SORCS2: variants seen among roughly 807,000 people sequenced by gnomAD.
The protein encoded by SORCS2 is VPS10 domain-containing receptor SorCS2.
A neutral mutation model predicts 141.6 loss-of-function variants in SORCS2; 100 were observed. That is an observed-to-expected ratio of 0.71 (90% CI 0.60 to 0.83). The LOEUF is 0.83. Among genes scored for constraint, SORCS2 ranks in the 40% least tolerant of loss-of-function variants. SORCS2 has a pLI of 0.00. For missense variants in SORCS2, 1,646 were observed against 1,560.2 expected (o/e 1.05, Z -0.93); for synonymous variants, 789 against 676.9 (o/e 1.17, Z -2.57).
chr4:7,340,539 C>A (rs1720310719), intron 1 of SORCS2, among the ~76,000 whole-genome samples: 1 of 152,220 alleles, frequency 6.6e-6, no homozygotes, highest in Admixed American at 6.5e-5. Flanking sequence ...TGAATCAGCT[C>A]AGGCTGCGTG....
chr4:7,382,097 C>A (rs2109071549), intron 1 of SORCS2: 2 of 546,520 alleles, frequency 3.7e-6, no homozygotes, highest in Non-Finnish European at 4.7e-6. Context: ...CCAGAAGGAC[C>A]TTGAAGGGTG....
In SORCS2 at chr4:7,233,383, G is replaced by A. The variant is rs768134064; in HGVS notation, c.480+40257G>A. 6.3e-4 allele frequency among the ~76,000 whole-genome samples: 96 copies of A among 152,290 alleles called. No individual in the cohort carries two copies. Among genetic ancestry groups the A allele is most frequent in the Non-Finnish European group, 1.3e-3 (87 of 68,022 alleles). Reference sequence around the variant, plus strand: ...GCTGAGCACCTGCTCCAGGGCAGACGTAGCCCTCATCACGTCCTCCACAGC... The same window carrying A: ...GCTGAGCACCTGCTCCAGGGCAGACATAGCCCTCATCACGTCCTCCACAGC... On this transcript the variant is annotated intron_variant, in intron 1 of 26. Coordinates refer to ENST00000507866, the MANE Select transcript of SORCS2 (RefSeq NM_020777.3). The surrounding 1 kb of genome is among the most constrained non-coding windows in gnomAD (Gnocchi z 4.5).
chr4:7,621,463 T>C (rs1719176893), intron 3 of SORCS2, among the ~76,000 whole-genome samples: 1 of 149,216 alleles, frequency 6.7e-6, no homozygotes. Context: ...GTGTGAGTGT[T>C]TATGTGTGTG....
intron 1 of SORCS2, among the ~76,000 whole-genome samples, chr4:7,355,769 G>A (rs1721215755): frequency 6.6e-6 from 1 of 152,244 alleles, no homozygotes; most frequent in Non-Finnish European, 1.5e-5. Flanking sequence ...CTCGCTGTGA[G>A]CCCGAGGAAC....
chr4:7,355,722 A>G (rs1721208378), intron 1 of SORCS2, among the ~76,000 whole-genome samples: 1 of 152,328 alleles, frequency 6.6e-6, no homozygotes, highest in South Asian at 2.1e-4. Context: ...AATGAGGAAA[A>G]TATGAACTTG....
At chr4:7,716,152 G>A (rs1726173029) in intron 17 of SORCS2, among the ~76,000 whole-genome samples, 1 of 152,222 alleles carries the variant, frequency 6.6e-6, no homozygotes, top group South Asian at 2.1e-4. Context: ...CCGTCAGAAA[G>A]TCCCAATTTC....
At chr4:7,517,195 G>A (rs761122034) in intron 2 of SORCS2, among the ~76,000 whole-genome samples, 29 of 152,280 alleles carry the variant, frequency 1.9e-4, no homozygotes, top group Non-Finnish European at 3.5e-4. Flanking sequence ...CAGTGTTAGT[G>A]TTAGCTAGTC....
At chr4:7,335,289 C>T (rs1719912988) in intron 1 of SORCS2, among the ~76,000 whole-genome samples, 1 of 152,236 alleles carries the variant, frequency 6.6e-6, no homozygotes, top group East Asian at 1.9e-4. Context: ...CAAGTCTCCC[C>T]TTAGTCTGGG....
chr4:7,428,887 G>A (rs758784963), intron 2 of SORCS2, among the ~76,000 whole-genome samples: 2 of 152,112 alleles, frequency 1.3e-5, no homozygotes, highest in African/African-American at 2.4e-5. Context: ...GGGTGGTGGC[G>A]CAGGGGAGCC....
At chr4:7,464,660 C>A (rs773909727) in intron 2 of SORCS2, among the ~76,000 whole-genome samples, 1 of 152,244 alleles carries the variant, frequency 6.6e-6, no homozygotes, top group Non-Finnish European at 1.5e-5. Context: ...GGCTGCTGTA[C>A]TTTTGGGGAT....
chr4:7,250,599 C>G (rs1378451279), intron 1 of SORCS2, among the ~76,000 whole-genome samples: 8 of 152,374 alleles, frequency 5.3e-5, no homozygotes, highest in Admixed American at 3.9e-4. Context: ...GTCTCCCCGG[C>G]TGAGAGGCAG....
At chr4:7,654,074 C>G (rs1721601908) in intron 4 of SORCS2, 60 bp from the exon 5 acceptor site, 3 of 1,449,748 alleles carry the variant, frequency 2.1e-6, no homozygotes, top group Admixed American at 2.0e-5. Context: ...CACCCTCTCT[C>G]AGAAGCAGCT....
chr4:7,324,025 A>G (rs1032106054), intron 1 of SORCS2, among the ~76,000 whole-genome samples: 5 of 152,140 alleles, frequency 3.3e-5, no homozygotes, highest in African/African-American at 1.2e-4. Flanking sequence ...TCCTTACGCG[A>G]TGGGTCTCTC....
chr4:7,289,598 C>T (rs544037826), intron 1 of SORCS2, among the ~76,000 whole-genome samples: 2 of 152,292 alleles, frequency 1.3e-5, no homozygotes, highest in South Asian at 2.1e-4. Flanking sequence ...CCACAGAGAC[C>T]GAGCTGCAGT....
intron 5 of SORCS2, among the ~76,000 whole-genome samples, chr4:7,655,309 G>A (rs1050205335): frequency 7.2e-5 from 11 of 152,086 alleles, no homozygotes; most frequent in East Asian, 5.8e-4. Flanking sequence ...CCTGGTCTCC[G>A]CAACAGAAAA....
At position 7,233,455 on chromosome 4, in the gene SORCS2, C is replaced by G. The variant is rs554091520; in HGVS notation, c.480+40329C>G. On this transcript the variant is annotated intron_variant, in intron 1 of 26. Coordinates refer to ENST00000507866, the MANE Select transcript of SORCS2 (RefSeq NM_020777.3). This position sits in a 1 kb window ranked among gnomAD's most constrained non-coding sequence, Gnocchi z 4.5. ...GCCATCCTGTTTCCATCCAGGGGCC[C>G]GGACACTGGGCCACAGTGCAGTACA... Among the ~76,000 whole-genome samples, 19 of 151,926 alleles carry G rather than the reference C, an allele frequency of 1.3e-4. No homozygotes were observed. Among genetic ancestry groups the G allele is most frequent in the East Asian group, 3.9e-4 (2 of 5,174 alleles).
chr4:7,571,519 A>G (rs967396047), intron 3 of SORCS2, among the ~76,000 whole-genome samples: 2 of 152,070 alleles, frequency 1.3e-5, no homozygotes, highest in Non-Finnish European at 2.9e-5. Context: ...GACCCGCAAA[A>G]TTCTACCTGG....
intron 1 of SORCS2, among the ~76,000 whole-genome samples, chr4:7,365,136 C>T (rs1721799580): frequency 1.3e-5 from 2 of 152,202 alleles, no homozygotes; most frequent in African/African-American, 2.4e-5. Flanking sequence ...TGAGTGGGTC[C>T]AGGCAGTTGG....
rs1164648864 is a variant in SORCS2 at position 7,660,227 on chromosome 4, C to A, written c.888-1273C>A. On this transcript the variant is annotated intron_variant, in intron 5 of 26. Coordinates refer to ENST00000507866, the MANE Select transcript of SORCS2 (RefSeq NM_020777.3). ...CCTCCTGCCCAGTTAAAGACTTCGC[C>A]CAGCAGGGCAATGAAACGGGGAGGG... Among the ~76,000 whole-genome samples, 4 of 152,338 alleles carry A rather than the reference C, an allele frequency of 2.6e-5. No homozygotes were observed. In the East Asian group the frequency reaches 7.7e-4, roughly 29 times the overall value.
Sources: allele counts gnomAD v4.1 joint callset (sites outside exome capture counted in the v4.1 genomes callset), GRCh38; gene constraint gnomAD v4.1.1; non-coding constraint Gnocchi (gnomAD v3.1); transcripts MANE v1.5; gene names NCBI Gene and HGNC (gene_info 2026-07-23, HGNC 2026-07-21).